Variants in LRIF1 observed in about 807,000 individuals in gnomAD.
LRIF1 encodes the protein ligand dependent nuclear receptor interacting factor 1, also known as ligand-dependent nuclear receptor-interacting factor 1.
LRIF1 carries 32 observed loss-of-function variants against 52.7 expected under a neutral mutation model. The ratio of observed to expected loss-of-function variants is 0.61; its 90% CI spans 0.46 to 0.82. LRIF1 has a LOEUF of 0.82. LRIF1 is among the 40% of genes least tolerant of loss of function. The pLI is 0.00. For missense variants in LRIF1, 887 were observed against 892.0 expected (o/e 0.99, Z 0.07); for synonymous variants, 323 against 317.4 (o/e 1.02, Z -0.19).
intron 1 of LRIF1, among the ~76,000 whole-genome samples, chr1:110,961,000 C>T (rs541904458): frequency 2.8e-4 from 42 of 152,310 alleles, no homozygotes; most frequent in African/African-American, 1.0e-3. Flanking sequence ...CCCTTAAGAG[C>T]TATCTATCTA....
At chr1:110,922,393 C>T in the LRIF1 span, among the ~76,000 whole-genome samples, 1 of 152,188 alleles carries the variant, frequency 6.6e-6, no homozygotes, top group East Asian at 1.9e-4. Flanking sequence ...GCCCTCACCA[C>T]ATGTTGGGGC....
the LRIF1 span, among the ~76,000 whole-genome samples, chr1:110,901,388 G>T: frequency 6.6e-6 from 1 of 151,744 alleles, no homozygotes. Flanking sequence ...ATTTTGGTCA[G>T]GCTGGTCCCG....
the LRIF1 span, among the ~76,000 whole-genome samples, chr1:110,933,198 A>T: frequency 2.4e-4 from 37 of 152,240 alleles, no homozygotes; most frequent in Middle Eastern, 6.8e-3. Context: ...TCAGCTCCGA[A>T]ATCAGCTTCT....
the LRIF1 span, chr1:110,895,030 C>A: frequency 6.2e-7 from 1 of 1,613,638 alleles, no homozygotes; most frequent in East Asian, 2.2e-5. Flanking sequence ...AGCACCAAGG[C>A]AGCGTGGGAC....
At chr1:110,913,943 A>G in the LRIF1 span, among the ~76,000 whole-genome samples, 2 of 152,230 alleles carry the variant, frequency 1.3e-5, no homozygotes. Context: ...CTTATACACT[A>G]TGGAATACAA....
At chr1:110,892,417 A>G in the LRIF1 span, 2 of 1,613,734 alleles carry the variant, frequency 1.2e-6, no homozygotes, top group African/African-American at 2.7e-5. Flanking sequence ...GCTCTTCCAT[A>G]ACCTCCCCTC....
At chr1:110,929,219 T>C in the LRIF1 span, among the ~76,000 whole-genome samples, 1 of 152,244 alleles carries the variant, frequency 6.6e-6, no homozygotes, top group Non-Finnish European at 1.5e-5. Context: ...AGTGCTACAA[T>C]GAACATACAT....
At chr1:110,880,022 G>A in the LRIF1 span, among the ~76,000 whole-genome samples, 1 of 152,222 alleles carries the variant, frequency 6.6e-6, no homozygotes, top group African/African-American at 2.4e-5. Context: ...CCCATTGGAG[G>A]AAACTAAAGA....
chr1:110,895,394 A>G, the LRIF1 span, among the ~76,000 whole-genome samples: 4 of 152,344 alleles, frequency 2.6e-5, no homozygotes, highest in East Asian at 5.8e-4. Flanking sequence ...AGAAATTGCC[A>G]TTGAGTTCCC....
chr1:110,958,863 A>T (rs1293051297), intron 1 of LRIF1, among the ~76,000 whole-genome samples: 4 of 152,192 alleles, frequency 2.6e-5, no homozygotes, highest in South Asian at 2.1e-4. Flanking sequence ...TAATTTTTTT[A>T]AAAATCCATG....
In LRIF1 at chr1:110,963,693, G is replaced by C; in HGVS notation, c.-5C>G. ...CCTCCGTAGGTTATTTGACATTTTA[G>C]TGGGGAGAAAGGGGACACCTCATCC... is the stretch of plus-strand genomic sequence containing the variant. On this transcript the variant is annotated 5_prime_UTR_variant, in exon 1 of 4. Coordinates refer to ENST00000369763, the MANE Select transcript of LRIF1 (RefSeq NM_018372.4). The C allele has an allele frequency of 6.2e-7, 1 of 1,603,748 alleles. No individual in the cohort carries two copies. Among genetic ancestry groups the C allele is most frequent in the South Asian group, 1.1e-5 (1 of 90,320 alleles).
At chr1:110,924,696 G>C in the LRIF1 span, among the ~76,000 whole-genome samples, 4 of 152,076 alleles carry the variant, frequency 2.6e-5, no homozygotes, top group Non-Finnish European at 4.4e-5. Context: ...ATGAGATTTG[G>C]GTGGGGATAC....
the LRIF1 span, among the ~76,000 whole-genome samples, chr1:110,928,670 G>A: frequency 3.3e-5 from 5 of 152,078 alleles, no homozygotes; most frequent in African/African-American, 1.2e-4. Context: ...AAAGTGGTGG[G>A]GACAGGGAGC....
At chr1:110,911,317 A>G in the LRIF1 span, among the ~76,000 whole-genome samples, 2 of 152,220 alleles carry the variant, frequency 1.3e-5, no homozygotes, top group African/African-American at 4.8e-5. Flanking sequence ...AATCCTGAAC[A>G]GATCAATTAA....
intron 1 of LRIF1, among the ~76,000 whole-genome samples, chr1:110,955,438 A>T (rs1385421438): frequency 1.3e-5 from 2 of 152,154 alleles, no homozygotes; most frequent in East Asian, 3.8e-4. Flanking sequence ...ACTAAAACTG[A>T]TCTTTCCCTG....
chr1:110,891,562 AAT>A, the LRIF1 span: 2 of 939,856 alleles, frequency 2.1e-6, no homozygotes, highest in Admixed American at 1.8e-5. Context: ...TGTGGGGTAA[AAT>A]GCATGCGTGT....
rs765057177 is a variant in LRIF1, at chr1:110,963,849, G to C, written c.-161C>G. ...ACGGAGGGCGACAGCGGGCTCTCGA[G>C]AGGGTGTATCCCCAGGCTTCGGGAC... On this transcript the variant is annotated 5_prime_UTR_variant, in exon 1 of 4. Coordinates refer to ENST00000369763, the MANE Select transcript of LRIF1 (RefSeq NM_018372.4). 7.2e-6 allele frequency: 4 copies of C among 556,458 alleles called. No homozygotes were observed. The highest frequency in any genetic ancestry group is 3.0e-5 in the East Asian group (1 of 33,474). The allele number at this position is 556,458 out of a possible 1,614,324, so 34.5% of individuals were successfully genotyped here.
intron 1 of LRIF1, among the ~76,000 whole-genome samples, chr1:110,954,234 A>G (rs774428179): frequency 4.6e-5 from 7 of 152,202 alleles, no homozygotes; most frequent in South Asian, 2.1e-4. Flanking sequence ...CAAAAATTTA[A>G]AAGTCTTTTG....
the LRIF1 span, among the ~76,000 whole-genome samples, chr1:110,904,750 A>C: frequency 6.6e-6 from 1 of 152,176 alleles, no homozygotes; most frequent in Non-Finnish European, 1.5e-5. Context: ...CATCTATTAG[A>C]ATCAACACCA....
Sources: gnomAD v4.1 joint callset for allele counts (sites outside exome capture counted in the v4.1 genomes callset) on GRCh38, gnomAD v4.1.1 for gene constraint, MANE v1.5 for transcripts, NCBI Gene and HGNC (gene_info 2026-07-23, HGNC 2026-07-21) for gene names.